Variants in NDFIP1 observed in about 807,000 individuals in gnomAD.
The protein encoded by NDFIP1 is NEDD4 family-interacting protein 1.
A neutral mutation model predicts 28.8 loss-of-function variants in NDFIP1; 7 were observed. The observed-to-expected ratio is 0.24, with a 90% confidence interval of 0.14 to 0.46. NDFIP1 has a LOEUF of 0.46. Among genes scored for constraint, NDFIP1 ranks in the 20% least tolerant of loss-of-function variants. The pLI is 0.99. For synonymous variants in NDFIP1, 92 were observed against 101.0 expected (o/e 0.91, Z 0.53); for missense variants, 194 against 269.1 (o/e 0.72, Z 1.95).
chr5:142,144,565 A>T lies in NDFIP1; in HGVS notation c.563-6A>T. 1 of 1,590,832 alleles carries T rather than the reference A, an allele frequency of 6.3e-7. No homozygotes were observed. Among genetic ancestry groups the T allele is most frequent in the Non-Finnish European group, 8.6e-7 (1 of 1,169,176 alleles). On this transcript the variant is annotated splice_polypyrimidine_tract_variant and splice_region_variant and intron_variant, in intron 6 of 7. Transcript: ENST00000253814. ...ATTCATTCATGACTTTTCTTTTTTA[A>T]ATTAGGCTTTCTCCTGTTTCTCAGA...
chr5:142,146,927 G>T (rs1434550364), intron 7 of NDFIP1, among the ~76,000 whole-genome samples: 2 of 152,104 alleles, frequency 1.3e-5, no homozygotes, highest in Admixed American at 1.3e-4. Flanking sequence ...ATGTATGTGG[G>T]GTTGTGATTT....
intron 1 of NDFIP1, among the ~76,000 whole-genome samples, chr5:142,124,129 A>G (rs1322250729): frequency 1.3e-5 from 2 of 152,194 alleles, no homozygotes; most frequent in African/African-American, 2.4e-5. Flanking sequence ...TGGGTGCCAG[A>G]AAACAGAGGA....
intron 1 of NDFIP1, 37 bp downstream of exon 1, chr5:142,109,074 C>T (rs1298266817): frequency 7.4e-7 from 1 of 1,350,748 alleles, no homozygotes; most frequent in Non-Finnish European, 9.5e-7. Context: ...AACTCCGGTC[C>T]CTGGCTCTGC....
At chr5:142,124,416 T>C (rs562578046) in intron 1 of NDFIP1, among the ~76,000 whole-genome samples, 1 of 152,180 alleles carries the variant, frequency 6.6e-6, no homozygotes, top group Non-Finnish European at 1.5e-5. Context: ...ATAAAATTGA[T>C]GATCATAGGT....
chr5:142,123,851 GC>G (rs1391002570), intron 1 of NDFIP1, among the ~76,000 whole-genome samples: 3 of 152,156 alleles, frequency 2.0e-5, no homozygotes, highest in African/African-American at 7.2e-5. Context: ...GGGCCCTGGA[GC>G]TCTGAGCTAA....
chr5:142,124,368 T>G (rs924040379), intron 1 of NDFIP1, among the ~76,000 whole-genome samples: 1 of 152,218 alleles, frequency 6.6e-6, no homozygotes, highest in African/African-American at 2.4e-5. Context: ...ACTTGTTACT[T>G]GGACCTATGT....
Position 142,108,857 on chromosome 5 carries a change from C to CGGTGCTTACAGCCTGAGAAGAG in NDFIP1, c.-118_-117insGGTGCTTACAGCCTGAGAAGAG. On this transcript the variant is annotated 5_prime_UTR_variant, in exon 1 of 8. Transcript: ENST00000253814. ...GCGTCTCGCCCGGGAGCGGCGGCGG[C>CGGTGCTTACAGCCTGAGAAGAG]CATCGAGACCCACCCAAGGCGCGTC... 1.2e-6 allele frequency: 1 copy of CGGTGCTTACAGCCTGAGAAGAG among 835,758 alleles called. No individual in the cohort carries two copies. The highest frequency in any genetic ancestry group is 1.6e-6 in the Non-Finnish European group (1 of 608,252). The allele number at this position is 835,758 out of a possible 1,614,324, so 51.8% of individuals were successfully genotyped here. A position where few individuals can be genotyped will look rare whatever the true frequency, so the allele number is the denominator to read the frequency against.
At chr5:142,124,448 T>C (rs779246109) in intron 1 of NDFIP1, among the ~76,000 whole-genome samples, 2 of 152,188 alleles carry the variant, frequency 1.3e-5, no homozygotes, top group African/African-American at 2.4e-5. Flanking sequence ...TGCTTTCATT[T>C]CTAAGGACTC....
intron 1 of NDFIP1, among the ~76,000 whole-genome samples, chr5:142,115,108 C>T (rs565423659): frequency 2.0e-5 from 3 of 152,052 alleles, no homozygotes; most frequent in African/African-American, 7.2e-5. Context: ...TAAAGTAAAT[C>T]CTACCATGAG....
At chr5:142,129,716 C>T (rs138317711) in intron 1 of NDFIP1, among the ~76,000 whole-genome samples, 83 of 151,896 alleles carry the variant, frequency 5.5e-4, no homozygotes, top group African/African-American at 1.9e-3. Flanking sequence ...CACCTGAGGT[C>T]GGGAGTTTGA....
At position 142,123,973 on chromosome 5, in the gene NDFIP1, T is replaced by C. The variant is rs146015332; in HGVS notation, c.64-7835T>C. On this transcript the variant is annotated intron_variant, in intron 1 of 7. Transcript: ENST00000253814. The stretch of plus-strand genomic sequence containing the variant: ...CTACTTCTTAATTTAAAATGCTATA[T>C]GTTCATGAGCAGCTAGACTTGCTAT... Among the ~76,000 whole-genome samples the C allele has an allele frequency of 5.8e-3, 886 of 152,158 alleles. 6 individuals carry two copies. Among genetic ancestry groups the C allele is most frequent in the Middle Eastern group, 0.017 (5 of 292 alleles).
At position 142,152,866 on chromosome 5, in the gene NDFIP1, A is replaced by G. The variant is rs1366225182; in HGVS notation, c.*1138A>G. On this transcript the variant is annotated 3_prime_UTR_variant, in exon 8 of 8. Transcript: ENST00000253814. Reference sequence around the variant, plus strand: ...CTAATCTTAGGGAATCATTCAGTAGATGCGATTAAAAAACTAATGTTGGGT... The same window carrying G: ...CTAATCTTAGGGAATCATTCAGTAGGTGCGATTAAAAAACTAATGTTGGGT... 2 of 176,698 alleles carry G rather than the reference A, an allele frequency of 1.1e-5. No homozygotes were observed. Among genetic ancestry groups the G allele is most frequent in the Non-Finnish European group, 2.4e-5 (2 of 82,684 alleles). The allele number at this position is 176,698 out of a possible 1,614,324, so 10.9% of individuals were successfully genotyped here. A position where few individuals can be genotyped will look rare whatever the true frequency, so the allele number is the denominator to read the frequency against.
intron 1 of NDFIP1, among the ~76,000 whole-genome samples, chr5:142,127,470 A>C (rs1757181902): frequency 2.0e-5 from 3 of 152,182 alleles, no homozygotes; most frequent in Non-Finnish European, 4.4e-5. Context: ...AAGGGAGCAA[A>C]GGTAATCAGG....
intron 6 of NDFIP1, 57 bp from the exon 7 acceptor site, chr5:142,144,514 G>T (rs922071271): frequency 1.6e-6 from 2 of 1,260,528 alleles, no homozygotes; most frequent in Non-Finnish European, 2.3e-6. Flanking sequence ...GATTTCTGGG[G>T]AGGGGACTTA....
chr5:142,118,580 C>T (rs535896860), intron 1 of NDFIP1, among the ~76,000 whole-genome samples: 1 of 152,270 alleles, frequency 6.6e-6, no homozygotes, highest in South Asian at 2.1e-4. Context: ...TCAGGTTTCT[C>T]TTCTGTAAAG....
intron 1 of NDFIP1, among the ~76,000 whole-genome samples, chr5:142,125,051 C>T (rs1757157516): frequency 6.6e-6 from 1 of 152,170 alleles, no homozygotes; most frequent in Admixed American, 6.5e-5. Flanking sequence ...TGGTCTCGAT[C>T]TCCTAACCTC....
intron 1 of NDFIP1, among the ~76,000 whole-genome samples, chr5:142,127,228 C>G (rs1757178867): frequency 6.6e-6 from 1 of 152,142 alleles, no homozygotes; most frequent in African/African-American, 2.4e-5. Context: ...GTTGGCCAGG[C>G]TGGTCTCAAA....
chr5:142,129,786 C>T (rs1757207244), intron 1 of NDFIP1, among the ~76,000 whole-genome samples: 1 of 151,876 alleles, frequency 6.6e-6, no homozygotes, highest in African/African-American at 2.4e-5. Flanking sequence ...GTGGCATACG[C>T]CTGTAGTCCC....
At chr5:142,135,857 A>G (rs1757270213) in intron 4 of NDFIP1, 40 bp downstream of exon 4, 2 of 1,435,770 alleles carry the variant, frequency 1.4e-6, no homozygotes, top group East Asian at 2.3e-5. Flanking sequence ...CCTACAAACT[A>G]GAGTGCTTTG....
Sources: gnomAD v4.1 joint callset for allele counts (sites outside exome capture counted in the v4.1 genomes callset) on GRCh38, gnomAD v4.1.1 for gene constraint, MANE v1.5 for transcripts, NCBI Gene and HGNC (gene_info 2026-07-23, HGNC 2026-07-21) for gene names.